Variants in SORCS1 observed in about 807,000 individuals in gnomAD.
SORCS1 encodes the protein VPS10 domain-containing receptor SorCS1.
A neutral mutation model predicts 146.1 loss-of-function variants in SORCS1; 60 were observed. That is an observed-to-expected ratio of 0.41 (90% CI 0.33 to 0.51). The LOEUF (loss-of-function observed/expected upper bound fraction) is 0.51, where lower values mean the gene tolerates loss of function less well. Ranked by LOEUF, SORCS1 falls within the 20% of genes least tolerant of loss-of-function variation. SORCS1 has a pLI of 0.21. For missense variants in SORCS1, 1,352 were observed against 1,487.6 expected, an observed-to-expected ratio of 0.91 and a Z score of 1.50; for synonymous variants, 637 against 584.0, an observed-to-expected ratio of 1.09 and a Z score of -1.31.
intron 17 of SORCS1, 75 bp from the exon 18 acceptor site, chr10:106,652,628 T>C (rs1849959676): frequency 6.5e-7 from 1 of 1,542,260 alleles, no homozygotes; most frequent in Non-Finnish European, 8.9e-7. Flanking sequence ...AAATTAGACA[T>C]AGTGCCTAGC....
At position 106,626,888 on chromosome 10, in the gene SORCS1, T is replaced by C. The variant is rs538899698; in HGVS notation, c.2662+2314A>G. Among the ~76,000 whole-genome samples, 8 of 152,332 alleles carry C rather than the reference T, an allele frequency of 5.3e-5. No homozygotes were observed. The South Asian group carries it at 1.7e-3, about 32-fold the overall frequency. On this transcript the variant is annotated intron_variant, in intron 19 of 25. Transcript: ENST00000263054. ...GAAAGAAGTTCCATTATATGAGGCA[T>C]GCTTATCCAACCACTTAACCCAAGA...
chr10:106,620,406 C>A (rs779657421), intron 20 of SORCS1, 22 bp downstream of exon 20: 2 of 1,604,278 alleles, frequency 1.2e-6, no homozygotes, highest in Non-Finnish European at 1.7e-6. Flanking sequence ...GTCCCTAGAT[C>A]GCATGTGGAA....
the SORCS1 span, among the ~76,000 whole-genome samples, chr10:107,173,922 A>C: frequency 6.6e-6 from 1 of 152,344 alleles, no homozygotes; most frequent in East Asian, 1.9e-4. Context: ...GTGCTAACAA[A>C]GCACTTCTTA....
intron 1 of SORCS1, among the ~76,000 whole-genome samples, chr10:106,963,316 C>T (rs897492371): frequency 2.0e-5 from 3 of 151,768 alleles, no homozygotes; most frequent in Admixed American, 1.3e-4. Context: ...AGGGTTTCAC[C>T]GTGTTAGCCA....
At chr10:106,953,358 A>G (rs1166031218) in intron 2 of SORCS1, among the ~76,000 whole-genome samples, 1 of 152,144 alleles carries the variant, frequency 6.6e-6, no homozygotes, top group Non-Finnish European at 1.5e-5. Flanking sequence ...TACTTGTAAC[A>G]CCAAATAAAA....
chr10:106,958,320 T>C (rs1955062057), intron 1 of SORCS1, among the ~76,000 whole-genome samples: 1 of 152,182 alleles, frequency 6.6e-6, no homozygotes, highest in African/African-American at 2.4e-5. Context: ...AATGTTGACA[T>C]TGATTTCCTG....
chr10:106,874,745 A>G (rs1217856496), intron 2 of SORCS1, among the ~76,000 whole-genome samples: 6 of 152,226 alleles, frequency 3.9e-5, no homozygotes, highest in Non-Finnish European at 8.8e-5. Context: ...AGGAACCACA[A>G]GACAGTCATA....
At chr10:106,915,858 A>G (rs1952396786) in intron 2 of SORCS1, among the ~76,000 whole-genome samples, 1 of 152,306 alleles carries the variant, frequency 6.6e-6, no homozygotes, top group African/African-American at 2.4e-5. Context: ...AGAGCGAGCC[A>G]TAACCTATTT....
At chr10:106,949,625 A>G (rs1251854964) in intron 2 of SORCS1, among the ~76,000 whole-genome samples, 1 of 152,206 alleles carries the variant, frequency 6.6e-6, no homozygotes, top group Non-Finnish European at 1.5e-5. Flanking sequence ...CTGGCTACCA[A>G]TACAGAATCA....
At chr10:106,619,288 T>G (rs1310354049) in intron 20 of SORCS1, among the ~76,000 whole-genome samples, 1 of 152,208 alleles carries the variant, frequency 6.6e-6, no homozygotes, top group African/African-American at 2.4e-5. Context: ...ACACATAGTT[T>G]CAGGTGAAAT....
chr10:106,764,972 G>A (rs933721378), intron 4 of SORCS1, among the ~76,000 whole-genome samples: 3 of 141,574 alleles, frequency 2.1e-5, no homozygotes, highest in Admixed American at 7.4e-5. Flanking sequence ...GCAGTGAGCC[G>A]AGATCGCGCC....
At chr10:107,023,318 G>T (rs962539758) in intron 1 of SORCS1, among the ~76,000 whole-genome samples, 2 of 152,004 alleles carry the variant, frequency 1.3e-5, no homozygotes, top group African/African-American at 4.8e-5. Context: ...AACGATCAAG[G>T]GCTCTCCCTC....
At chr10:106,618,297 GA>G (rs1337586268) in intron 20 of SORCS1, 25 bp from the exon 21 acceptor site, 2 of 1,611,468 alleles carry the variant, frequency 1.2e-6, no homozygotes, top group South Asian at 2.2e-5. Context: ...GGCCCAGAGT[GA>G]AGGGAAAGCT....
chr10:106,989,223 C>T (rs79254709), intron 1 of SORCS1, among the ~76,000 whole-genome samples: 32,586 of 135,362 alleles, frequency 0.24, 4,401 homozygotes, highest in Middle Eastern at 0.38. Flanking sequence ...TGAGCTGAGA[C>T]TGCATCACCA....
intron 11 of SORCS1, 135 bp from the exon 12 acceptor site, chr10:106,679,467 C>T (rs1852278896): frequency 5.3e-6 from 5 of 947,542 alleles, no homozygotes; most frequent in Non-Finnish European, 8.0e-6. Flanking sequence ...TGCAGACTTG[C>T]TTCAGGTCCA....
chr10:106,627,681 G>GT (rs1438413924), intron 19 of SORCS1, among the ~76,000 whole-genome samples: 1 of 152,182 alleles, frequency 6.6e-6, no homozygotes, highest in African/African-American at 2.4e-5. Flanking sequence ...CCCGTGATGA[G>GT]TACTGAACTA....
At chr10:106,656,475 G>A (rs991769548) in intron 17 of SORCS1, among the ~76,000 whole-genome samples, 10 of 152,122 alleles carry the variant, frequency 6.6e-5, no homozygotes, top group Non-Finnish European at 1.2e-4. Context: ...AGAATGGTGT[G>A]AACCTGGGAG....
chr10:106,629,243 C>G lies in SORCS1; in HGVS notation c.2621G>C (p.Ser874Thr), dbSNP rs1368327754. ...CAGGACGGCGCTGTCAGAACCCAGA[C>G]TGTTGTCCACCTGCACGGTCACACG... The part of the protein sequence containing the change: ...IFRVTVQVDN[S>T]LGSDSAVLYL... The change falls in exon 19 of 26, where the codon AGT becomes ACT. Residue 874 changes from serine to threonine, a missense_variant. Coordinates refer to ENST00000263054, the MANE Select transcript of SORCS1 (RefSeq NM_052918.5). 1 of 1,614,084 alleles carries G rather than the reference C, an allele frequency of 6.2e-7. No homozygotes were observed. Among genetic ancestry groups the G allele is most frequent in the South Asian group, 1.1e-5 (1 of 91,052 alleles).
intron 3 of SORCS1, among the ~76,000 whole-genome samples, chr10:106,814,934 A>AAG (rs1318792176): frequency 6.6e-6 from 1 of 150,810 alleles, no homozygotes. Context: ...AAAAAAAAAA[A>AAG]AGGTGGTCTT....
Sources: allele counts gnomAD v4.1 joint callset (sites outside exome capture counted in the v4.1 genomes callset), GRCh38; gene constraint gnomAD v4.1.1; transcripts MANE v1.5; gene names NCBI Gene and HGNC (gene_info 2026-07-23, HGNC 2026-07-21).